TENM3: variants seen among roughly 807,000 people sequenced by gnomAD.
TENM3 encodes teneurin-3.
A neutral mutation model predicts 255.1 loss-of-function variants in TENM3; 63 were observed. The observed-to-expected ratio is 0.25, with a 90% CI of 0.20 to 0.30. TENM3 has a LOEUF of 0.30. TENM3 is among the 10% of genes least tolerant of loss of function. The pLI, the probability that TENM3 is intolerant of heterozygous loss-of-function variation, is 1.00. For synonymous variants in TENM3, 1,306 were observed against 1,322.3 expected (o/e 0.99, Z 0.27); for missense variants, 2,929 against 3,461.1 (o/e 0.85, Z 3.86).
intron 1 of TENM3, among the ~76,000 whole-genome samples, chr4:182,230,530 A>G (rs2150011193): frequency 6.6e-6 from 1 of 152,034 alleles, no homozygotes; most frequent in Non-Finnish European, 1.5e-5. Context: ...TAGAGCAGTG[A>G]CCAAAACAGA....
chr4:182,603,589 C>T (rs1189635783), intron 4 of TENM3, among the ~76,000 whole-genome samples: 1 of 152,004 alleles, frequency 6.6e-6, no homozygotes, highest in Non-Finnish European at 1.5e-5. Flanking sequence ...TTGGTTGGAA[C>T]TCTGGAGGTG....
chr4:181,662,984 G>A, the TENM3 span, among the ~76,000 whole-genome samples: 3 of 152,210 alleles, frequency 2.0e-5, no homozygotes, highest in East Asian at 1.9e-4. Context: ...AACGATACCC[G>A]GAGCTTAGAA....
At chr4:181,505,524 G>T in the TENM3 span, among the ~76,000 whole-genome samples, 1 of 151,984 alleles carries the variant, frequency 6.6e-6, no homozygotes, top group African/African-American at 2.4e-5. Context: ...AAGTAAATTT[G>T]CAGTGATACA....
the TENM3 span, among the ~76,000 whole-genome samples, chr4:181,704,303 T>A: frequency 6.6e-6 from 1 of 152,160 alleles, no homozygotes; most frequent in Non-Finnish European, 1.5e-5. Flanking sequence ...TCCTCCTGAT[T>A]CTGCCTTGCA....
At chr4:182,234,106 C>T (rs1380532933) in intron 1 of TENM3, among the ~76,000 whole-genome samples, 1 of 152,172 alleles carries the variant, frequency 6.6e-6, no homozygotes, top group Non-Finnish European at 1.5e-5. Context: ...TCCAAGTTCA[C>T]CGTGAAAGCC....
At chr4:182,758,086 T>G (rs942906357) in intron 22 of TENM3, among the ~76,000 whole-genome samples, 7 of 152,232 alleles carry the variant, frequency 4.6e-5, no homozygotes, top group African/African-American at 1.7e-4. Flanking sequence ...AGCGTTTTGT[T>G]AATTTTCCTC....
At chr4:181,462,397 G>C in the TENM3 span, among the ~76,000 whole-genome samples, 1 of 152,162 alleles carries the variant, frequency 6.6e-6, no homozygotes, top group Non-Finnish European at 1.5e-5. Flanking sequence ...ATACCAGTAA[G>C]GTGGTTTGGC....
chr4:182,389,251 C>T lies in TENM3; in HGVS notation c.511+42322C>T, dbSNP rs548737435. ...TTTTGTGTTTCCACTAATCTGATCC[C>T]TCCCACCAGCTGCCCTTTCCACCTG... On this transcript the variant is annotated intron_variant, in intron 3 of 27. Coordinates refer to ENST00000511685, the MANE Select transcript of TENM3 (RefSeq NM_001080477.4). Among the ~76,000 whole-genome samples the T allele has an allele frequency of 4.6e-5, 7 of 152,150 alleles. 1 individual carries two copies. In the South Asian group the frequency reaches 1.2e-3, roughly 27 times the overall value.
chr4:182,446,061 C>G (rs1772889222), intron 3 of TENM3, among the ~76,000 whole-genome samples: 1 of 152,130 alleles, frequency 6.6e-6, no homozygotes, highest in Non-Finnish European at 1.5e-5. Flanking sequence ...AACTGTGTAT[C>G]TTTTCTTGGG....
rs756069010 is a variant in TENM3, at chr4:182,324,186, CG to C, written c.168del (p.Leu57CysfsTer7). 4 of 1,613,946 alleles carry C rather than the reference CG, an allele frequency of 2.5e-6. No homozygotes were observed. The stretch of plus-strand genomic sequence containing the variant: ...GAAAGCTTTTGATCATGATTCCTCG[CG>C]GCTGCTTTACGGCAACAGAGTGAAG... ...TLKAFDHDSS[R>X]LLYGNRVKDL... On this transcript the variant is annotated frameshift_variant, in exon 2 of 28. Transcript: ENST00000511685. LOFTEE classifies it high-confidence loss of function.
At chr4:181,556,386 G>T in the TENM3 span, among the ~76,000 whole-genome samples, 1 of 151,944 alleles carries the variant, frequency 6.6e-6, no homozygotes, top group African/African-American at 2.4e-5. Flanking sequence ...ATTGAATAAT[G>T]TACAGTATAT....
chr4:182,372,895 TTTTA>T (rs1248562874), intron 3 of TENM3, among the ~76,000 whole-genome samples: 11 of 152,068 alleles, frequency 7.2e-5, no homozygotes, highest in African/African-American at 2.7e-4. Flanking sequence ...CACCTGGTTA[TTTTA>T]TTTATTTATT....
At chr4:181,807,335 C>T in the TENM3 span, among the ~76,000 whole-genome samples, 1 of 152,190 alleles carries the variant, frequency 6.6e-6, no homozygotes, top group Non-Finnish European at 1.5e-5. Flanking sequence ...TTACCTAAGA[C>T]ATGTTACCAA....
At chr4:182,161,921 G>GTA (rs545310351) in intron 1 of TENM3, among the ~76,000 whole-genome samples, 1,630 of 36,378 alleles carry the variant, frequency 0.045, 491 homozygotes, top group African/African-American at 0.15. Flanking sequence ...ACATGTATGT[G>GTA]TATATATATA....
intron 4 of TENM3, among the ~76,000 whole-genome samples, chr4:182,617,084 A>T (rs897109009): frequency 3.3e-5 from 5 of 152,228 alleles, no homozygotes; most frequent in Non-Finnish European, 5.9e-5. Flanking sequence ...CCTAAAGATT[A>T]TGATAAAAAC....
rs537372080 is a variant in TENM3, at chr4:182,761,103, C to T, written c.4892+5844C>T. 4.6e-5 allele frequency among the ~76,000 whole-genome samples: 7 copies of T among 152,260 alleles called. No homozygotes were observed. The South Asian group carries it at 8.3e-4, about 18-fold the overall frequency. ...TCCTTACAAAAGTGACCACTGCAAT[C>T]GCTTCTAATGTTAGAAGAATTATAG... On this transcript the variant is annotated intron_variant, in intron 22 of 27. Coordinates refer to ENST00000511685, the MANE Select transcript of TENM3 (RefSeq NM_001080477.4).
intron 1 of TENM3, among the ~76,000 whole-genome samples, chr4:182,259,231 C>T (rs1405469104): frequency 6.6e-6 from 1 of 152,154 alleles, no homozygotes; most frequent in Non-Finnish European, 1.5e-5. Flanking sequence ...TAGCTTTCCA[C>T]AGATAATTTA....
At chr4:182,084,791 T>C in the TENM3 span, 1 of 152,216 alleles carries the variant, frequency 6.6e-6, no homozygotes, top group Non-Finnish European at 1.5e-5. Flanking sequence ...TAATAAGATT[T>C]ATGTGGATAC....
At chr4:182,625,985 A>G (rs1232072190) in intron 4 of TENM3, among the ~76,000 whole-genome samples, 1 of 152,220 alleles carries the variant, frequency 6.6e-6, no homozygotes, top group Non-Finnish European at 1.5e-5. Flanking sequence ...AATAATTGAC[A>G]GCATGAAAAG....
Sources: gnomAD v4.1 joint callset for allele counts (sites outside exome capture counted in the v4.1 genomes callset) on GRCh38, gnomAD v4.1.1 for gene constraint, MANE v1.5 for transcripts, NCBI Gene and HGNC (gene_info 2026-07-23, HGNC 2026-07-21) for gene names.